The following PTP4A1 variants were observed in gnomAD, a reference collection of about 807,000 sequenced individuals.
PTP4A1 encodes protein tyrosine phosphatase 4A1.
PTP4A1 carries 9 observed loss-of-function variants against 20.5 expected under a neutral mutation model. The observed-to-expected ratio is 0.44, with a 90% confidence interval of 0.26 to 0.77. The LOEUF (loss-of-function observed/expected upper bound fraction) is 0.77. Among genes scored for constraint, PTP4A1 ranks in the 30% least tolerant of loss-of-function variants. The pLI is 0.19. For missense variants in PTP4A1, 137 were observed against 218.8 expected (o/e 0.63, Z 2.36); for synonymous variants, 78 against 67.4 (o/e 1.16, Z -0.77).
chr6:63,536,284 C>A (rs1167526544), intron 2 of PTP4A1, among the ~76,000 whole-genome samples: 1 of 152,102 alleles, frequency 6.6e-6, no homozygotes, highest in East Asian at 1.9e-4. Flanking sequence ...GAGCTGAAAT[C>A]CTGCCACTGC....
At chr6:63,542,708 C>T (rs996634002) in intron 2 of PTP4A1, among the ~76,000 whole-genome samples, 4 of 152,116 alleles carry the variant, frequency 2.6e-5, no homozygotes, top group East Asian at 1.9e-4. Context: ...CTTCCTTCAC[C>T]GACTGCTTTT....
At chr6:63,558,473 T>G (rs1279801883) in intron 3 of PTP4A1, among the ~76,000 whole-genome samples, 1 of 152,200 alleles carries the variant, frequency 6.6e-6, no homozygotes, top group Non-Finnish European at 1.5e-5. Flanking sequence ...TTGCCATGTC[T>G]GTGGCTTGAG....
Position 63,556,137 on chromosome 6 carries a change from A to G in PTP4A1, c.-446+5644A>G, listed in dbSNP as rs571049850. Among the ~76,000 whole-genome samples, 5 of 152,270 alleles carry G rather than the reference A, an allele frequency of 3.3e-5. No homozygotes were observed. In the East Asian group the frequency reaches 7.7e-4, roughly 23 times the overall value. The stretch of plus-strand genomic sequence containing the variant: ...AAGAATCTAATCACCCTAATACAAG[A>G]AAACAGTTTATTTTCTTAATTTTAA... On this transcript the variant is annotated intron_variant, in intron 3 of 3. Transcript: ENST00000639568.
At chr6:63,557,417 T>C (rs768991229) in intron 3 of PTP4A1, among the ~76,000 whole-genome samples, 1 of 151,728 alleles carries the variant, frequency 6.6e-6, no homozygotes. Context: ...AATACAAAAA[T>C]TATCTGGTGT....
At chr6:63,570,423 A>G (rs1157041067), upstream of PTP4A1, among the ~76,000 whole-genome samples, 1 of 152,244 alleles carries the variant, frequency 6.6e-6, no homozygotes, top group Non-Finnish European at 1.5e-5. Context: ...TAGTAGGATA[A>G]GATGGTACCT....
At chr6:63,551,837 C>T (rs1299119402) in intron 3 of PTP4A1, among the ~76,000 whole-genome samples, 4 of 152,152 alleles carry the variant, frequency 2.6e-5, no homozygotes, top group African/African-American at 9.7e-5. Flanking sequence ...ATGATGGTTT[C>T]CAGCTTCATC....
intron 2 of PTP4A1, chr6:63,549,463 G>T: frequency 2.5e-6 from 2 of 792,368 alleles, no homozygotes; most frequent in East Asian, 5.0e-5. Flanking sequence ...CACGACAGCA[G>T]GGCCGGAGCC....
intron 2 of PTP4A1, among the ~76,000 whole-genome samples, chr6:63,528,648 C>G (rs1172325086): frequency 6.6e-6 from 1 of 152,092 alleles, no homozygotes; most frequent in Non-Finnish European, 1.5e-5. Flanking sequence ...GTCATCCCAG[C>G]TACTCAGGAG....
chr6:63,567,529 C>A (rs1210938753), upstream of PTP4A1, among the ~76,000 whole-genome samples: 4 of 152,186 alleles, frequency 2.6e-5, no homozygotes, highest in Non-Finnish European at 5.9e-5. Flanking sequence ...GTGAGCCATG[C>A]TAAACAGATG....
chr6:63,533,082 A>G (rs543080133), intron 2 of PTP4A1, among the ~76,000 whole-genome samples: 1 of 152,194 alleles, frequency 6.6e-6, no homozygotes, highest in African/African-American at 2.4e-5. Context: ...GACTTGATAG[A>G]TTAAAAGAAA....
upstream of PTP4A1, among the ~76,000 whole-genome samples, chr6:63,570,709 T>C (rs997713279): frequency 6.6e-6 from 1 of 152,260 alleles, no homozygotes; most frequent in African/African-American, 2.4e-5. Flanking sequence ...CAATTATCTG[T>C]GTTTACCAAC....
intron 2 of PTP4A1, among the ~76,000 whole-genome samples, chr6:63,545,944 G>A (rs934330950): frequency 2.0e-5 from 3 of 152,076 alleles, no homozygotes; most frequent in Non-Finnish European, 4.4e-5. Flanking sequence ...CTTAAAACAA[G>A]AATATCCAGA....
intron 3 of PTP4A1, among the ~76,000 whole-genome samples, chr6:63,565,833 A>T (rs1451574413): frequency 6.6e-6 from 1 of 152,234 alleles, no homozygotes; most frequent in Admixed American, 6.5e-5. Flanking sequence ...TAAATCTTTA[A>T]ATCAATGTCT....
chr6:63,572,215 C>T (rs574940555), upstream of PTP4A1: 56 of 160,970 alleles, frequency 3.5e-4, no homozygotes, highest in African/African-American at 1.3e-3. Flanking sequence ...CTCTCGCTCC[C>T]ACCCCTTCTT....
In PTP4A1 at chr6:63,580,071, CTT is replaced by C; in HGVS notation, c.422_423del (p.Phe141Ter). The C allele has an allele frequency of 6.2e-7, 1 of 1,606,778 alleles. No homozygotes were observed. The highest frequency in any genetic ancestry group is 8.5e-7 in the Non-Finnish European group (1 of 1,176,498). On this transcript the variant is annotated frameshift_variant, in exon 6 of 6. Coordinates refer to ENST00000626021, the MANE Select transcript of PTP4A1 (RefSeq NM_003463.5). LOFTEE classifies it high-confidence loss of function. ...TTTCCTCCCAGAAAGCGGCGTGGAG[CTT>C]TTAACAGCAAGCAACTTCTGTATTT... is the stretch of plus-strand genomic sequence containing the variant.
intron 2 of PTP4A1, among the ~76,000 whole-genome samples, chr6:63,547,591 C>T (rs543186651): frequency 5.4e-5 from 8 of 148,750 alleles, no homozygotes; most frequent in South Asian, 2.1e-4. Context: ...CTGCGAGCTC[C>T]GCCTCCCGGG....
At position 63,580,278 on chromosome 6, in the gene PTP4A1, T is replaced by G; in HGVS notation, c.*104T>G. ...CTTAGTAAGTCTAATGAAGCTTCCA[T>G]AGGAGTATTGAAAGGCAGTTTTACC... is the stretch of plus-strand genomic sequence containing the variant. On this transcript the variant is annotated 3_prime_UTR_variant, in exon 6 of 6. Coordinates refer to ENST00000626021, the MANE Select transcript of PTP4A1 (RefSeq NM_003463.5). 1 of 947,106 alleles carries G rather than the reference T, an allele frequency of 1.1e-6. No homozygotes were observed. The highest frequency in any genetic ancestry group is 1.6e-6 in the Non-Finnish European group (1 of 611,840). 58.7% of individuals were successfully genotyped at this position (947,106 alleles called of 1,614,324 possible).
At chr6:63,544,911 T>C (rs1232073994) in intron 2 of PTP4A1, among the ~76,000 whole-genome samples, 2 of 152,198 alleles carry the variant, frequency 1.3e-5, no homozygotes, top group Admixed American at 1.3e-4. Context: ...TTACAATTAA[T>C]GTCTCCGAAG....
chr6:63,536,972 T>C (rs551356097), intron 2 of PTP4A1, among the ~76,000 whole-genome samples: 1 of 152,188 alleles, frequency 6.6e-6, no homozygotes, highest in Non-Finnish European at 1.5e-5. Flanking sequence ...TCAAATGAAT[T>C]AGAGAAAGTG....
Sources: gnomAD v4.1 joint callset for allele counts (sites outside exome capture counted in the v4.1 genomes callset) on GRCh38, gnomAD v4.1.1 for gene constraint, MANE v1.5 for transcripts, NCBI Gene and HGNC (gene_info 2026-07-23, HGNC 2026-07-21) for gene names.